The following NCOA7 variants were observed in gnomAD, a reference collection of about 807,000 sequenced individuals.
The protein encoded by NCOA7 is nuclear receptor coactivator 7.
In NCOA7, 45 loss-of-function variants were observed where a neutral mutation model predicts 104.3. That is an observed-to-expected ratio of 0.43 (90% CI 0.34 to 0.55). The LOEUF (loss-of-function observed/expected upper bound fraction) is 0.55, where lower values mean the gene tolerates loss of function less well. Among genes scored for constraint, NCOA7 ranks in the 20% least tolerant of loss-of-function variants. The probability of loss-of-function intolerance (pLI) is 0.02; values close to 1 mark genes in which losing one functional copy is unlikely to be tolerated. For missense variants in NCOA7, 1,041 were observed against 1,119.7 expected, an observed-to-expected ratio of 0.93 and a Z score of 1.00; for synonymous variants, 398 against 402.3, an observed-to-expected ratio of 0.99 and a Z score of 0.13.
intron 1 of NCOA7, among the ~76,000 whole-genome samples, chr6:125,805,862 T>TGGATA (rs1776399118): frequency 6.6e-6 from 1 of 152,370 alleles, no homozygotes; most frequent in African/African-American, 2.4e-5. Context: ...GAAATCTCAA[T>TGGATA]GGATAGAATT....
chr6:125,817,873 T>C (rs1413165029), intron 2 of NCOA7, among the ~76,000 whole-genome samples: 2 of 152,208 alleles, frequency 1.3e-5, no homozygotes, highest in African/African-American at 2.4e-5. Context: ...GAAAATTTTA[T>C]AGCATTATGT....
Position 125,915,447 on chromosome 6 carries a change from C to G in NCOA7, c.2211C>G (p.Asn737Lys). The G allele has an allele frequency of 6.2e-7, 1 of 1,613,872 alleles. No homozygotes were observed. The highest frequency in any genetic ancestry group is 8.5e-7 in the Non-Finnish European group (1 of 1,179,802). ...VEKEELNMID[N>K]FFSEPTTKSW... ...AGGAAGAACTGAACATGATTGACAA[C>G]TTCTTCAGTGAGCCAACAACCAAGA... Residue 737 changes from asparagine to lysine, a missense_variant, in exon 11 of 16, where the codon AAC (asparagine) becomes AAG (lysine). By Grantham distance (94) the Asn-to-Lys change is moderately conservative. Around this residue, in one of 2 missense-constraint regions of NCOA7, gnomAD observed 914 missense variants for 942.7 expected, o/e 0.97. Transcript: ENST00000392477.
chr6:125,885,065 C>T, intron 7 of NCOA7, 94 bp from the exon 8 acceptor site: 1 of 1,294,762 alleles, frequency 7.7e-7, no homozygotes, highest in Non-Finnish European at 1.1e-6. Context: ...TCACAAAGTC[C>T]ATGGAGTGGC....
At chr6:125,822,936 A>AG (rs201011111) in intron 2 of NCOA7, among the ~76,000 whole-genome samples, 9 of 139,504 alleles carry the variant, frequency 6.5e-5, no homozygotes, top group Middle Eastern at 3.9e-3. Flanking sequence ...CTCCATCTCC[A>AG]AAAAAAAAAA....
At chr6:125,855,392 G>A in intron 3 of NCOA7, 152 bp downstream of exon 3, 1 of 598,402 alleles carries the variant, frequency 1.7e-6, no homozygotes, top group Middle Eastern at 4.5e-4. Flanking sequence ...ACATAATCTT[G>A]TGTAAGGGGA....
intron 2 of NCOA7, among the ~76,000 whole-genome samples, chr6:125,854,430 T>C (rs1781382510): frequency 6.6e-6 from 1 of 152,218 alleles, no homozygotes. Context: ...GTAATCATAA[T>C]GAAAATCATG....
intron 2 of NCOA7, among the ~76,000 whole-genome samples, chr6:125,838,560 A>G (rs542115023): frequency 2.0e-5 from 3 of 152,282 alleles, no homozygotes; most frequent in South Asian, 2.1e-4. Context: ...ATGTCAAAGA[A>G]GCATATTCTG....
chr6:125,928,927 A>T lies in NCOA7; in HGVS notation c.*156A>T. 1 of 802,312 alleles carries T rather than the reference A, an allele frequency of 1.2e-6. No individual in the cohort carries two copies. The highest frequency in any genetic ancestry group is 1.9e-6 in the Non-Finnish European group (1 of 533,016). The allele number at this position is 802,312 out of a possible 1,614,324, so 49.7% of individuals were successfully genotyped here. A position where few individuals can be genotyped will look rare whatever the true frequency, so the allele number is the denominator to read the frequency against. On this transcript the variant is annotated 3_prime_UTR_variant, in exon 16 of 16. Coordinates refer to ENST00000392477, the MANE Select transcript of NCOA7 (RefSeq NM_181782.5). ...CAGAGCATGATCACATTGCAGAAAGATTCTGGAAGGTCCATGTAGAGGGCA... is the reference window on the plus strand; with the variant it reads ...CAGAGCATGATCACATTGCAGAAAGTTTCTGGAAGGTCCATGTAGAGGGCA...
intron 2 of NCOA7, among the ~76,000 whole-genome samples, chr6:125,842,801 T>C (rs139219344): frequency 1.3e-3 from 196 of 152,308 alleles, no homozygotes; most frequent in African/African-American, 4.6e-3. Flanking sequence ...AAAATTCACA[T>C]CTGTAATATT....
At chr6:125,858,979 G>A (rs762030535) in intron 3 of NCOA7, among the ~76,000 whole-genome samples, 8 of 152,194 alleles carry the variant, frequency 5.3e-5, no homozygotes, top group Non-Finnish European at 1.0e-4. Flanking sequence ...GGGGAGACTT[G>A]AAAATGGGAG....
chr6:125,856,230 G>A (rs1158733644), intron 3 of NCOA7, among the ~76,000 whole-genome samples: 2 of 152,010 alleles, frequency 1.3e-5, no homozygotes, highest in Non-Finnish European at 2.9e-5. Flanking sequence ...CTGCAAATAC[G>A]GTAAATGAAA....
At chr6:125,834,205 A>G (rs1272400740) in intron 2 of NCOA7, among the ~76,000 whole-genome samples, 1 of 152,208 alleles carries the variant, frequency 6.6e-6, no homozygotes, top group Non-Finnish European at 1.5e-5. Context: ...AGTTCTCATG[A>G]TACAATTATT....
chr6:125,869,815 G>T (rs1038697492), intron 3 of NCOA7, among the ~76,000 whole-genome samples: 1 of 152,200 alleles, frequency 6.6e-6, no homozygotes, highest in Non-Finnish European at 1.5e-5. Flanking sequence ...GAGAGAAAAG[G>T]CAAGGGAACC....
intron 2 of NCOA7, among the ~76,000 whole-genome samples, chr6:125,822,460 T>G (rs1286059437): frequency 6.6e-6 from 1 of 152,192 alleles, no homozygotes; most frequent in Non-Finnish European, 1.5e-5. Context: ...TAAATGCAGG[T>G]AATGAATCTG....
At chr6:125,812,201 GCCTAGCC>G (rs1220168452) in intron 1 of NCOA7, among the ~76,000 whole-genome samples, 1 of 152,148 alleles carries the variant, frequency 6.6e-6, no homozygotes, top group Non-Finnish European at 1.5e-5. Context: ...GCCTGAGTGT[GCCTAGCC>G]CCTTTCACTT....
chr6:125,904,909 C>T (rs1198889185), intron 10 of NCOA7, among the ~76,000 whole-genome samples: 1 of 152,186 alleles, frequency 6.6e-6, no homozygotes, highest in Non-Finnish European at 1.5e-5. Context: ...TCTGCTTTCT[C>T]CTTAAATATT....
At chr6:125,882,630 G>T in intron 7 of NCOA7, 79 bp downstream of exon 7, 1 of 1,523,006 alleles carries the variant, frequency 6.6e-7, no homozygotes, top group Admixed American at 2.0e-5. Flanking sequence ...TGGAACAGAG[G>T]CTACATTAAA....
In NCOA7 at chr6:125,885,275, G is replaced by C. The variant is rs748766933; in HGVS notation, c.816G>C (p.Met272Ile). ...AGGAGTATGGTCTCATCTGCCCCAT[G>C]GAAGAGGTTGTTTCCATTGCGCTCT... ...GCEEYGLICP[M>I]EEVVSIALYN... The change falls in exon 8 of 16, where the codon ATG becomes ATC. Residue 272 changes from methionine (M) to isoleucine (I), a missense_variant. By Grantham distance (10) the Met-to-Ile change is conservative (BLOSUM62 1). Coordinates refer to ENST00000392477, the MANE Select transcript of NCOA7 (RefSeq NM_181782.5). 1 of 1,614,012 alleles carries C rather than the reference G, an allele frequency of 6.2e-7. No homozygotes were observed. Among genetic ancestry groups the C allele is most frequent in the South Asian group, 1.1e-5 (1 of 91,072 alleles).
intron 3 of NCOA7, among the ~76,000 whole-genome samples, chr6:125,861,582 G>T (rs192496702): frequency 6.6e-6 from 1 of 152,192 alleles, no homozygotes; most frequent in Non-Finnish European, 1.5e-5. Context: ...TGAGATTTGG[G>T]TATAAAATAA....
Sources: gnomAD v4.1 joint callset for allele counts (sites outside exome capture counted in the v4.1 genomes callset) on GRCh38, gnomAD v4.1.1 for gene constraint, gnomAD v4.1.1 regional missense constraint, MANE v1.5 for transcripts, NCBI Gene and HGNC (gene_info 2026-07-23, HGNC 2026-07-21) for gene names.